KCNN2: variants seen among roughly 807,000 people sequenced by gnomAD.
KCNN2 encodes small conductance calcium-activated potassium channel protein 2.
Under a neutral mutation model 55.5 loss-of-function variants are expected in KCNN2, and 24 were observed. That is an observed-to-expected ratio of 0.43 (90% CI 0.31 to 0.61). KCNN2 has a LOEUF of 0.61. Ranked by LOEUF, KCNN2 falls within the 20% of genes least tolerant of loss-of-function variation. KCNN2 has a pLI of 0.08. For synonymous variants in KCNN2, 431 were observed against 336.1 expected, an observed-to-expected ratio of 1.28 and a Z score of -3.09; for missense variants, 754 against 853.6, an observed-to-expected ratio of 0.88 and a Z score of 1.45.
chr5:114,171,106 T>C (rs1334262185), intron 1 of KCNN2, among the ~76,000 whole-genome samples: 1 of 152,034 alleles, frequency 6.6e-6, no homozygotes, highest in Non-Finnish European at 1.5e-5. Context: ...TTCCACTGTT[T>C]TCTAATTTTT....
intron 1 of KCNN2, among the ~76,000 whole-genome samples, chr5:114,170,816 G>T (rs528745434): frequency 6.6e-6 from 1 of 151,816 alleles, no homozygotes; most frequent in East Asian, 1.9e-4. Context: ...CTACATTCTT[G>T]AATTCAGTCA....
intron 1 of KCNN2, among the ~76,000 whole-genome samples, chr5:114,118,737 G>A (rs1400025530): frequency 2.6e-5 from 4 of 152,144 alleles, no homozygotes; most frequent in Non-Finnish European, 5.9e-5. Flanking sequence ...CAGTCAGGTT[G>A]ACACATAAAG....
intron 1 of KCNN2, among the ~76,000 whole-genome samples, chr5:114,077,813 C>A (rs1750713546): frequency 6.6e-6 from 1 of 152,162 alleles, no homozygotes; most frequent in Admixed American, 6.5e-5. Flanking sequence ...TAGGGGAAAG[C>A]CTCATTGTGG....
intron 2 of KCNN2, among the ~76,000 whole-genome samples, chr5:114,256,728 G>GT (rs1754990741): frequency 6.6e-6 from 1 of 151,858 alleles, no homozygotes; most frequent in Admixed American, 6.6e-5. Flanking sequence ...TTATTTGTTG[G>GT]TTTTTCTTGT....
At chr5:114,368,715 C>G (rs1757676111) in intron 2 of KCNN2, among the ~76,000 whole-genome samples, 2 of 152,206 alleles carry the variant, frequency 1.3e-5, no homozygotes, top group African/African-American at 4.8e-5. Flanking sequence ...AAGTCGCATT[C>G]TCTCAGTCAT....
intron 2 of KCNN2, among the ~76,000 whole-genome samples, chr5:114,257,414 G>T (rs954060553): frequency 6.6e-6 from 1 of 151,830 alleles, no homozygotes; most frequent in Non-Finnish European, 1.5e-5. Context: ...ATTTTGGTAG[G>T]AATCACGTTG....
chr5:114,314,247 C>T (rs1756457160), intron 2 of KCNN2, among the ~76,000 whole-genome samples: 1 of 152,068 alleles, frequency 6.6e-6, no homozygotes, highest in Non-Finnish European at 1.5e-5. Context: ...ATCACTTCCC[C>T]CCTGCATAGT....
rs1290452983 is a variant in KCNN2, at chr5:114,496,176, T to C, written c.2370T>C (p.Ser790=). The part of the protein sequence containing the change: ...SSTAPPTSSE[S]S Reference sequence around the variant, plus strand: ...CAGCACCACCAACTTCATCAGAGAGTAGCTAGAAGAGAATAAGTTAACCAC... The same window carrying C: ...CAGCACCACCAACTTCATCAGAGAGCAGCTAGAAGAGAATAAGTTAACCAC... The change falls in exon 8 of 8, where the codon AGT becomes AGC. Residue 790 remains serine, a synonymous_variant. Coordinates refer to ENST00000673685, the MANE Select transcript of KCNN2 (RefSeq NM_021614.4). The C allele has an allele frequency of 3.1e-6, 5 of 1,613,108 alleles. No individual in the cohort carries two copies. Among genetic ancestry groups the C allele is most frequent in the Non-Finnish European group, 3.4e-6 (4 of 1,179,502 alleles).
intron 3 of KCNN2, among the ~76,000 whole-genome samples, chr5:114,449,786 T>C: frequency 6.6e-6 from 1 of 152,028 alleles, no homozygotes. Flanking sequence ...TGGTCTTTGA[T>C]CTTGAGAATC....
chr5:114,378,097 A>C (rs1757996665), intron 2 of KCNN2, among the ~76,000 whole-genome samples: 1 of 152,212 alleles, frequency 6.6e-6, no homozygotes, highest in East Asian at 1.9e-4. Context: ...ATATTTGCTT[A>C]GTTAGAACAG....
chr5:114,180,515 T>C (rs2112552705), intron 1 of KCNN2, among the ~76,000 whole-genome samples: 1 of 152,256 alleles, frequency 6.6e-6, no homozygotes, highest in African/African-American at 2.4e-5. Flanking sequence ...AAAAGAAAAA[T>C]ATAAGAATTC....
chr5:114,150,741 G>T (rs1265090763), intron 1 of KCNN2, among the ~76,000 whole-genome samples: 4 of 152,150 alleles, frequency 2.6e-5, no homozygotes, highest in Non-Finnish European at 5.9e-5. Flanking sequence ...AATAAGCAAG[G>T]CCGGGCACAG....
At chr5:114,432,350 T>A (rs1241790305) in intron 3 of KCNN2, among the ~76,000 whole-genome samples, 1 of 152,272 alleles carries the variant, frequency 6.6e-6, no homozygotes, top group Non-Finnish European at 1.5e-5. Context: ...TCGGCTCTTT[T>A]GCTTTGAAGT....
intron 1 of KCNN2, among the ~76,000 whole-genome samples, chr5:114,084,664 T>G (rs1750974814): frequency 1.3e-5 from 2 of 152,024 alleles, no homozygotes. Flanking sequence ...TAATTTTAAT[T>G]TTAATGAAGT....
At chr5:114,222,132 C>T (rs1156410026) in intron 2 of KCNN2, among the ~76,000 whole-genome samples, 1 of 152,066 alleles carries the variant, frequency 6.6e-6, no homozygotes, top group African/African-American at 2.4e-5. Flanking sequence ...GAAAGTATAT[C>T]CAAAGCAGAA....
At chr5:114,095,520 C>G (rs1751237546) in intron 1 of KCNN2, among the ~76,000 whole-genome samples, 1 of 152,160 alleles carries the variant, frequency 6.6e-6, no homozygotes, top group Admixed American at 6.6e-5. Flanking sequence ...AGTGGAATTA[C>G]AAATTATATC....
At chr5:114,118,618 C>T (rs1751766268) in intron 1 of KCNN2, among the ~76,000 whole-genome samples, 1 of 151,912 alleles carries the variant, frequency 6.6e-6, no homozygotes, top group African/African-American at 2.4e-5. Flanking sequence ...CCCACCCACA[C>T]TGGGGAAGGC....
rs1156701374 is a variant in KCNN2 at position 114,237,385 on chromosome 5, GC to G, written c.-185+15824del. Among the ~76,000 whole-genome samples the G allele has an allele frequency of 2.6e-5, 4 of 151,944 alleles. No homozygotes were observed. In the East Asian group the frequency reaches 5.8e-4, roughly 22 times the overall value. ...GAACCTACCTAGGCAAGACATGTAA[GC>G]CCCTAGAACTTCCAGAAATTGAGGG... On this transcript the variant is annotated intron_variant, in intron 2 of 10. Transcript: ENST00000512097.
At chr5:114,237,686 A>T (rs1754531687) in intron 2 of KCNN2, among the ~76,000 whole-genome samples, 1 of 152,188 alleles carries the variant, frequency 6.6e-6, no homozygotes, top group African/African-American at 2.4e-5. Context: ...GCAATTTCTC[A>T]GGTCCCTTAC....
Sources: gnomAD v4.1 joint callset for allele counts (sites outside exome capture counted in the v4.1 genomes callset) on GRCh38, gnomAD v4.1.1 for gene constraint, MANE v1.5 for transcripts, NCBI Gene and HGNC (gene_info 2026-07-23, HGNC 2026-07-21) for gene names.